Variants in TYW1 observed in about 807,000 individuals in gnomAD.
TYW1 encodes tRNA-yW synthesizing protein 1 homolog.
Under a neutral mutation model 96.2 loss-of-function variants are expected in TYW1, and 46 were observed. The observed-to-expected ratio is 0.48, with a 90% CI of 0.38 to 0.61. The LOEUF (loss-of-function observed/expected upper bound fraction) is 0.61. TYW1 is among the 20% of genes least tolerant of loss of function. The pLI is 0.00. For synonymous variants in TYW1, 274 were observed against 323.0 expected, an observed-to-expected ratio of 0.85 and a Z score of 1.63; for missense variants, 684 against 909.6, an observed-to-expected ratio of 0.75 and a Z score of 3.19.
intron 7 of TYW1, among the ~76,000 whole-genome samples, chr7:67,046,678 A>C (rs57571665): frequency 0.17 from 26,265 of 151,794 alleles, 2,580 homozygotes; most frequent in African/African-American, 0.27. Flanking sequence ...GGTGCATTCA[A>C]CTCCCTTGCG....
At chr7:67,130,982 T>G (rs1420682801) in intron 13 of TYW1, among the ~76,000 whole-genome samples, 3 of 152,204 alleles carry the variant, frequency 2.0e-5, no homozygotes, top group African/African-American at 7.2e-5. Flanking sequence ...CACTGTGGTA[T>G]TCAAAGCCCT....
At position 67,014,361 on chromosome 7, in the gene TYW1, G is replaced by A. The variant is rs765171306; in HGVS notation, c.376-6G>A. ...GTTCCACTGAAACAATTACTTTCTT[G>A]GTTAGGTGACTAGTAAAAATGTCTG... On this transcript the variant is annotated splice_polypyrimidine_tract_variant and splice_region_variant and intron_variant, in intron 4 of 15. Coordinates refer to ENST00000359626, the MANE Select transcript of TYW1 (RefSeq NM_018264.4). 5 of 1,591,380 alleles carry A rather than the reference G, an allele frequency of 3.1e-6. No individual in the cohort carries two copies. The highest frequency in any genetic ancestry group is 4.3e-6 in the Non-Finnish European group (5 of 1,168,168).
At chr7:67,081,199 A>G (rs895808051) in intron 10 of TYW1, among the ~76,000 whole-genome samples, 3 of 145,404 alleles carry the variant, frequency 2.1e-5, no homozygotes. Flanking sequence ...TCATTTCCAG[A>G]GGACAGTTTT....
At chr7:67,005,668 T>A (rs1409954537) in intron 3 of TYW1, among the ~76,000 whole-genome samples, 3 of 152,220 alleles carry the variant, frequency 2.0e-5, no homozygotes, top group African/African-American at 7.2e-5. Flanking sequence ...ACAGTGTTTC[T>A]GATTCAGTAC....
chr7:67,021,257 G>C (rs1488141432), intron 6 of TYW1, among the ~76,000 whole-genome samples: 1 of 152,296 alleles, frequency 6.6e-6, no homozygotes, highest in African/African-American at 2.4e-5. Flanking sequence ...GACCATGTTA[G>C]ACGCTTCTCA....
chr7:67,046,687 C>T (rs7811073), intron 7 of TYW1, among the ~76,000 whole-genome samples: 26,319 of 151,968 alleles, frequency 0.17, 2,593 homozygotes, highest in African/African-American at 0.27. Context: ...AACTCCCTTG[C>T]GGAGTGTTAT....
intron 13 of TYW1, among the ~76,000 whole-genome samples, chr7:67,126,593 T>C (rs1490623143): frequency 6.6e-6 from 1 of 152,236 alleles, no homozygotes; most frequent in African/African-American, 2.4e-5. Flanking sequence ...TCTTACAGTT[T>C]TGCCTTTTAC....
At chr7:67,133,260 CCCA>C (rs1798140788) in intron 13 of TYW1, among the ~76,000 whole-genome samples, 1 of 152,050 alleles carries the variant, frequency 6.6e-6, no homozygotes, top group African/African-American at 2.4e-5. Flanking sequence ...CCTCAGTCCC[CCCA>C]CGAAGCTCGG....
intron 15 of TYW1, among the ~76,000 whole-genome samples, chr7:67,195,955 G>C (rs1489370637): frequency 1.3e-5 from 2 of 151,750 alleles, no homozygotes; most frequent in Non-Finnish European, 2.9e-5. Context: ...AAATTTCTTA[G>C]TCTTTATTTC....
At chr7:67,167,093 C>T (rs1426975907) in intron 13 of TYW1, among the ~76,000 whole-genome samples, 1 of 152,188 alleles carries the variant, frequency 6.6e-6, no homozygotes, top group Non-Finnish European at 1.5e-5. Context: ...TCCATTGCCT[C>T]ATGACTTTTG....
chr7:67,137,426 G>A (rs11769439), intron 13 of TYW1, among the ~76,000 whole-genome samples: 3,118 of 151,900 alleles, frequency 0.021, 56 homozygotes, highest in Middle Eastern at 0.034. Flanking sequence ...GACTAGCCTA[G>A]GCAACATGGC....
At chr7:67,111,561 C>G (rs565379501) in intron 12 of TYW1, among the ~76,000 whole-genome samples, 1 of 152,238 alleles carries the variant, frequency 6.6e-6, no homozygotes, top group South Asian at 2.1e-4. Flanking sequence ...TAGACTATCA[C>G]TAAAGTCTCT....
chr7:67,046,051 A>G (rs553186613), intron 7 of TYW1, among the ~76,000 whole-genome samples: 1 of 152,292 alleles, frequency 6.6e-6, no homozygotes, highest in East Asian at 1.9e-4. Context: ...TCCCTGAGTT[A>G]GAGGCTGGGG....
In TYW1 at chr7:67,175,170, A is replaced by ATTT. The variant is rs371564844; in HGVS notation, c.1699-7940_1699-7938dup. Among the ~76,000 whole-genome samples, 101 of 136,776 alleles carry ATTT rather than the reference A, an allele frequency of 7.4e-4. 3 individuals carry two copies. The South Asian group carries it at 9.3e-3, about 13-fold the overall frequency. 89.7% of individuals were successfully genotyped at this position (136,776 alleles called of 152,430 possible). A position where few individuals can be genotyped will look rare whatever the true frequency, so the allele number is the denominator to read the frequency against. ...TTCCATCTCATTTTATTAGTTCAGAATTTTTTTTTTTTTTTTTTGAGATGG... is the reference window on the plus strand; with the variant it reads ...TTCCATCTCATTTTATTAGTTCAGAATTTTTTTTTTTTTTTTTTTTTGAGATGG... On this transcript the variant is annotated intron_variant, in intron 13 of 15. Coordinates refer to ENST00000359626, the MANE Select transcript of TYW1 (RefSeq NM_018264.4).
intron 15 of TYW1, among the ~76,000 whole-genome samples, chr7:67,225,743 A>C: frequency 8.9e-6 from 1 of 112,094 alleles, no homozygotes; most frequent in South Asian, 3.0e-4. Context: ...TCCACTGGAG[A>C]TTAAGGTTGA....
chr7:67,222,104 C>T (rs942206460), intron 15 of TYW1, among the ~76,000 whole-genome samples: 7 of 151,650 alleles, frequency 4.6e-5, no homozygotes, highest in South Asian at 4.2e-4. Context: ...GGCTGAGGCA[C>T]GAGAATTGCT....
At chr7:67,168,704 A>T (rs965862825) in intron 13 of TYW1, among the ~76,000 whole-genome samples, 3 of 151,780 alleles carry the variant, frequency 2.0e-5, no homozygotes, top group Non-Finnish European at 4.4e-5. Context: ...TTTATTTCTT[A>T]TTCTTTTTTT....
chr7:67,031,192 C>CAA (rs60531853), intron 7 of TYW1, among the ~76,000 whole-genome samples: 13,070 of 107,406 alleles, frequency 0.12, 662 homozygotes, highest in East Asian at 0.31. Flanking sequence ...GACTCCATCT[C>CAA]AAAAAAAAAA....
intron 13 of TYW1, among the ~76,000 whole-genome samples, chr7:67,166,341 A>AT (rs1799327336): frequency 7.1e-6 from 1 of 141,800 alleles, no homozygotes; most frequent in African/African-American, 2.6e-5. Flanking sequence ...TAATATATAT[A>AT]ATATATAATT....
Sources: allele counts gnomAD v4.1 joint callset (sites outside exome capture counted in the v4.1 genomes callset), GRCh38; gene constraint gnomAD v4.1.1; transcripts MANE v1.5; gene names NCBI Gene and HGNC (gene_info 2026-07-23, HGNC 2026-07-21).